Variants in GTF2IRD1 observed in about 807,000 individuals in gnomAD.
GTF2IRD1 encodes the protein GTF2I repeat domain containing 1, also known as general transcription factor II-I repeat domain-containing protein 1.
GTF2IRD1 carries 26 observed loss-of-function variants against 113.2 expected under a neutral mutation model. The observed-to-expected ratio is 0.23, with a 90% confidence interval of 0.17 to 0.32. GTF2IRD1 has a LOEUF of 0.32. Among genes scored for constraint, GTF2IRD1 ranks in the 10% least tolerant of loss-of-function variants. GTF2IRD1 has a pLI of 1.00. For missense variants in GTF2IRD1, 864 were observed against 1,280.8 expected, an observed-to-expected ratio of 0.67 and a Z score of 4.97; for synonymous variants, 484 against 529.1, an observed-to-expected ratio of 0.91 and a Z score of 1.17.
At chr7:74,480,091 G>A (rs1452769497) in intron 1 of GTF2IRD1, among the ~76,000 whole-genome samples, 4 of 151,648 alleles carry the variant, frequency 2.6e-5, no homozygotes, top group Admixed American at 1.3e-4. Context: ...ATTTTCCCCC[G>A]ACTTGTATAC....
chr7:74,581,427 T>A (rs1801413873), intron 22 of GTF2IRD1, among the ~76,000 whole-genome samples: 1 of 152,204 alleles, frequency 6.6e-6, no homozygotes, highest in African/African-American at 2.4e-5. Context: ...CAGTCTTGGG[T>A]AGACCACTGG....
chr7:74,575,124 C>T (rs939882681), intron 22 of GTF2IRD1, among the ~76,000 whole-genome samples: 25 of 152,052 alleles, frequency 1.6e-4, no homozygotes, highest in Admixed American at 9.8e-4. Context: ...CCCAGCCTCA[C>T]GGAGCCTACA....
chr7:74,555,054 C>A lies in GTF2IRD1; in HGVS notation c.1917-120C>A. 1 of 882,936 alleles carries A rather than the reference C, an allele frequency of 1.1e-6. No homozygotes were observed. The highest frequency in any genetic ancestry group is 1.7e-5 in the African/African-American group (1 of 59,948). 54.7% of individuals were successfully genotyped at this position (882,936 alleles called of 1,614,324 possible). A position where few individuals can be genotyped will look rare whatever the true frequency, so the allele number is the denominator to read the frequency against. On this transcript the variant is annotated intron_variant, in intron 17 of 26. Coordinates refer to ENST00000424337, the MANE Select transcript of GTF2IRD1 (RefSeq NM_005685.4). The surrounding 1 kb of genome is among the most constrained non-coding windows in gnomAD (Gnocchi z 5.3). ...GGGCGGCAGGGACTCCAGGCCTGAACTATGCATAGCCAGAAGGGTCCATTG... is the reference window on the plus strand; with the variant it reads ...GGGCGGCAGGGACTCCAGGCCTGAAATATGCATAGCCAGAAGGGTCCATTG...
intron 1 of GTF2IRD1, among the ~76,000 whole-genome samples, chr7:74,479,591 G>A (rs988156590): frequency 2.0e-5 from 3 of 152,106 alleles, no homozygotes; most frequent in East Asian, 3.9e-4. Flanking sequence ...ACCTGCAAAC[G>A]CCAACTCCCC....
chr7:74,500,587 G>A (rs993251112), intron 1 of GTF2IRD1, among the ~76,000 whole-genome samples: 1 of 148,782 alleles, frequency 6.7e-6, no homozygotes, highest in African/African-American at 2.6e-5. Context: ...GGTTGTTCGT[G>A]TATGTGTGTG....
intron 16 of GTF2IRD1, among the ~76,000 whole-genome samples, chr7:74,546,660 C>T (rs1386650261): frequency 1.3e-5 from 2 of 152,190 alleles, no homozygotes; most frequent in Non-Finnish European, 2.9e-5. Context: ...CGGGTTCGTT[C>T]CAAGGCGTGG....
At chr7:74,580,667 A>C (rs1801361003) in intron 22 of GTF2IRD1, among the ~76,000 whole-genome samples, 1 of 152,046 alleles carries the variant, frequency 6.6e-6, no homozygotes. Flanking sequence ...CCAGCGTTAA[A>C]GAGAGAGAGG....
chr7:74,577,451 C>T (rs1801144183), intron 22 of GTF2IRD1, among the ~76,000 whole-genome samples: 1 of 152,162 alleles, frequency 6.6e-6, no homozygotes, highest in African/African-American at 2.4e-5. Context: ...GTGCAAACAT[C>T]TTGACTCTTC....
intron 1 of GTF2IRD1, among the ~76,000 whole-genome samples, chr7:74,496,104 ATG>A (rs1286778883): frequency 2.0e-5 from 3 of 150,956 alleles, no homozygotes; most frequent in Non-Finnish European, 4.4e-5. Flanking sequence ...GTGTGTGCAT[ATG>A]TGTGTATGCA....
At position 74,590,037 on chromosome 7, in the gene GTF2IRD1, C is replaced by T. The variant is rs1801961963; in HGVS notation, c.2398+109C>T. 12 of 673,114 alleles carry T rather than the reference C, an allele frequency of 1.8e-5. No homozygotes were observed. The East Asian group carries it at 3.3e-4, about 18-fold the overall frequency. 41.7% of individuals were successfully genotyped at this position (673,114 alleles called of 1,614,324 possible). On this transcript the variant is annotated intron_variant, in intron 23 of 26. Transcript: ENST00000424337. ...TCAGGAGCCCCCAGCTGGCTGCCTG[C>T]TCCCTGGTGACATGGCTGCTCTGCC... is the stretch of plus-strand genomic sequence containing the variant.
At chr7:74,548,781 G>A (rs1799112797) in intron 17 of GTF2IRD1, among the ~76,000 whole-genome samples, 2 of 152,022 alleles carry the variant, frequency 1.3e-5, no homozygotes, top group African/African-American at 4.8e-5. Context: ...GTGCACACCT[G>A]TAATCTCAGC....
At chr7:74,501,016 A>C (rs550090551) in intron 1 of GTF2IRD1, among the ~76,000 whole-genome samples, 1 of 152,290 alleles carries the variant, frequency 6.6e-6, no homozygotes, top group African/African-American at 2.4e-5. Flanking sequence ...TCCTTTAAGC[A>C]CACACTTTTC....
At chr7:74,570,126 C>CTGAG (rs1800604306) in intron 22 of GTF2IRD1, among the ~76,000 whole-genome samples, 1 of 152,054 alleles carries the variant, frequency 6.6e-6, no homozygotes, top group South Asian at 2.1e-4. Flanking sequence ...CTTTGGGAGG[C>CTGAG]TGAGGCGGGT....
At chr7:74,509,129 G>A (rs1362191766) in intron 2 of GTF2IRD1, among the ~76,000 whole-genome samples, 1 of 152,080 alleles carries the variant, frequency 6.6e-6, no homozygotes, top group Non-Finnish European at 1.5e-5. Context: ...GGCCGAGGCG[G>A]GTGGATCATT....
chr7:74,527,880 C>T (rs898436808), intron 8 of GTF2IRD1, among the ~76,000 whole-genome samples: 10 of 152,070 alleles, frequency 6.6e-5, no homozygotes, highest in African/African-American at 1.9e-4. Flanking sequence ...TTAATGAAAA[C>T]GTGTAGCTGG....
intron 17 of GTF2IRD1, among the ~76,000 whole-genome samples, chr7:74,548,409 G>A (rs587606398): frequency 4.5e-4 from 68 of 150,868 alleles, no homozygotes; most frequent in African/African-American, 1.5e-3. Context: ...GCAACAGAGC[G>A]AGACTTCGTC....
chr7:74,462,417 G>A (rs148670269), intron 1 of GTF2IRD1, among the ~76,000 whole-genome samples: 191 of 152,272 alleles, frequency 1.3e-3, no homozygotes, highest in African/African-American at 3.4e-3. Context: ...TTTGTACAAT[G>A]TCACATAAAT....
intron 1 of GTF2IRD1, among the ~76,000 whole-genome samples, chr7:74,487,867 T>C (rs1266100064): frequency 1.3e-5 from 2 of 152,256 alleles, no homozygotes; most frequent in African/African-American, 4.8e-5. Context: ...GAATTACTTA[T>C]ATTTTAATCT....
chr7:74,496,116 ATG>A (rs564184187), intron 1 of GTF2IRD1, among the ~76,000 whole-genome samples: 18 of 151,436 alleles, frequency 1.2e-4, no homozygotes, highest in Admixed American at 4.6e-4. Flanking sequence ...GTGTGTATGC[ATG>A]TGTGAGTGTG....
Sources: gnomAD v4.1 joint callset for allele counts (sites outside exome capture counted in the v4.1 genomes callset) on GRCh38, gnomAD v4.1.1 for gene constraint, Gnocchi (gnomAD v3.1) non-coding constraint, MANE v1.5 for transcripts, NCBI Gene and HGNC (gene_info 2026-07-23, HGNC 2026-07-21) for gene names.